The following PLCB1 variants were observed in gnomAD, a reference collection of about 807,000 sequenced individuals.
PLCB1 encodes 1-phosphatidylinositol 4,5-bisphosphate phosphodiesterase beta-1.
PLCB1 carries 46 observed loss-of-function variants against 161.8 expected under a neutral mutation model. The ratio of observed to expected loss-of-function variants is 0.28; its 90% confidence interval spans 0.22 to 0.36. The LOEUF (loss-of-function observed/expected upper bound fraction) is 0.36. Ranked by LOEUF, PLCB1 falls within the 10% of genes least tolerant of loss-of-function variation. The probability of loss-of-function intolerance (pLI) is 1.00; values close to 1 mark genes in which losing one functional copy is unlikely to be tolerated. For synonymous variants in PLCB1, 517 were observed against 503.7 expected, an observed-to-expected ratio of 1.03 and a Z score of -0.35; for missense variants, 1,016 against 1,472.5, an observed-to-expected ratio of 0.69 and a Z score of 5.07.
intron 9 of PLCB1, among the ~76,000 whole-genome samples, chr20:8,672,553 A>T (rs569807034): frequency 6.6e-6 from 1 of 152,106 alleles, no homozygotes; most frequent in Admixed American, 6.5e-5. Flanking sequence ...TGATGCCATG[A>T]TGTGGGCATT....
rs1015183125 is a variant in PLCB1, at chr20:8,405,286, C to T, written c.246+33836C>T. On this transcript the variant is annotated intron_variant, in intron 3 of 31. Coordinates refer to ENST00000338037, the MANE Select transcript of PLCB1 (RefSeq NM_015192.4). Reference sequence around the variant, plus strand: ...GTCTAGAGTTGTCCCTACTCATCTCCGCGTGTTTTGTTCAGCTCTCCCTTA... The same window carrying T: ...GTCTAGAGTTGTCCCTACTCATCTCTGCGTGTTTTGTTCAGCTCTCCCTTA... 3.3e-5 allele frequency among the ~76,000 whole-genome samples: 5 copies of T among 152,070 alleles called. 1 individual carries two copies. The highest frequency in any genetic ancestry group is 4.2e-4 in the South Asian group (2 of 4,810).
chr20:8,315,568 G>T (rs1178365968), intron 2 of PLCB1, among the ~76,000 whole-genome samples: 7 of 152,140 alleles, frequency 4.6e-5, no homozygotes, highest in African/African-American at 1.7e-4. Context: ...TCTCACTTGT[G>T]TTCTTGTGTT....
rs188579296 is a variant in PLCB1, at chr20:8,526,912, A to G, written c.247-101382A>G. 4.3e-3 allele frequency among the ~76,000 whole-genome samples: 652 copies of G among 151,014 alleles called. 2 individuals are homozygous for G. The highest frequency in any genetic ancestry group is 0.019 in the South Asian group (89 of 4,784). On this transcript the variant is annotated intron_variant, in intron 3 of 31. Coordinates refer to ENST00000338037, the MANE Select transcript of PLCB1 (RefSeq NM_015192.4). ...CAGGTTTTCACCCCTCATCTTTAGC[A>G]GCTTGCCTCCAGCTTTTAATAAAGA...
At chr20:8,642,790 AC>A (rs1243246352) in intron 4 of PLCB1, among the ~76,000 whole-genome samples, 1 of 152,196 alleles carries the variant, frequency 6.6e-6, no homozygotes, top group Non-Finnish European at 1.5e-5. Flanking sequence ...CTAATGCTGT[AC>A]CTTTTTCTGG....
chr20:8,676,402 AAAGAAAGAAAGAG>A (rs962908124), intron 9 of PLCB1, among the ~76,000 whole-genome samples: 3 of 151,602 alleles, frequency 2.0e-5, no homozygotes, highest in African/African-American at 4.9e-5. Context: ...ACAAAGAAAG[AAAGAAAGAAAGAG>A]AAGAAAGAAA....
chr20:8,359,062 A>G (rs952112237), intron 2 of PLCB1, among the ~76,000 whole-genome samples: 6 of 152,230 alleles, frequency 3.9e-5, no homozygotes, highest in Admixed American at 2.6e-4. Context: ...CAGCAATAGT[A>G]GTAAACATAA....
intron 2 of PLCB1, among the ~76,000 whole-genome samples, chr20:8,233,241 T>C (rs58538360): frequency 0.75 from 114,295 of 151,580 alleles, 43,973 homozygotes; most frequent in African/African-American, 0.91. Flanking sequence ...TATTCATCAA[T>C]TGCTGGTCAT....
chr20:8,632,060 T>G (rs1336197134), intron 4 of PLCB1, among the ~76,000 whole-genome samples: 10 of 123,530 alleles, frequency 8.1e-5, no homozygotes, highest in Admixed American at 3.4e-4. Context: ...TTTTTTTTTT[T>G]TTTTTTTGCC....
At chr20:8,360,303 CT>C (rs1395927064) in intron 2 of PLCB1, among the ~76,000 whole-genome samples, 1 of 152,162 alleles carries the variant, frequency 6.6e-6, no homozygotes, top group Non-Finnish European at 1.5e-5. Context: ...TGGAATAAAG[CT>C]GATAGACGCT....
intron 24 of PLCB1, among the ~76,000 whole-genome samples, chr20:8,759,271 AT>A (rs2123568722): frequency 6.6e-6 from 1 of 152,228 alleles, no homozygotes; most frequent in Admixed American, 6.5e-5. Context: ...CGGATATATG[AT>A]GTTGCTGGGT....
intron 3 of PLCB1, among the ~76,000 whole-genome samples, chr20:8,430,874 C>T (rs2122577228): frequency 6.6e-6 from 1 of 152,174 alleles, no homozygotes; most frequent in South Asian, 2.1e-4. Context: ...AGGAGGCTCT[C>T]TTGAGCCCAG....
intron 2 of PLCB1, among the ~76,000 whole-genome samples, chr20:8,244,213 G>A (rs1374213094): frequency 6.6e-6 from 1 of 151,872 alleles, no homozygotes; most frequent in East Asian, 1.9e-4. Flanking sequence ...ATGTTTGTCT[G>A]TGCCCTACAT....
intron 3 of PLCB1, among the ~76,000 whole-genome samples, chr20:8,426,811 C>T (rs1003744076): frequency 1.1e-4 from 16 of 152,048 alleles, no homozygotes; most frequent in African/African-American, 3.6e-4. Flanking sequence ...CAAATATATA[C>T]AATAAAATAT....
At chr20:8,739,503 A>C in intron 21 of PLCB1, 143 bp downstream of exon 21, 1 of 621,454 alleles carries the variant, frequency 1.6e-6, no homozygotes, top group South Asian at 2.0e-5. Flanking sequence ...ATTTAGTTAC[A>C]TGTTTTTGTG....
chr20:8,876,308 G>A (rs1007867450), intron 31 of PLCB1, among the ~76,000 whole-genome samples: 4 of 152,128 alleles, frequency 2.6e-5, no homozygotes, highest in Admixed American at 2.0e-4. Context: ...TTTCCAAAAA[G>A]AGGTCTTATG....
chr20:8,841,005 T>A (rs573824011), intron 31 of PLCB1, among the ~76,000 whole-genome samples: 26 of 152,080 alleles, frequency 1.7e-4, no homozygotes, highest in Admixed American at 5.2e-4. Flanking sequence ...ACAAAAAAAA[T>A]TTTTGTATTT....
intron 31 of PLCB1, among the ~76,000 whole-genome samples, chr20:8,798,083 G>A (rs1255431096): frequency 6.6e-6 from 1 of 152,012 alleles, no homozygotes; most frequent in East Asian, 1.9e-4. Context: ...TGTAATCCCA[G>A]CTACCCTGGA....
At chr20:8,551,288 C>A (rs185598085) in intron 3 of PLCB1, among the ~76,000 whole-genome samples, 2 of 152,228 alleles carry the variant, frequency 1.3e-5, no homozygotes, top group East Asian at 3.9e-4. Flanking sequence ...AAGATCAGAG[C>A]AATACAGACT....
chr20:8,687,738 A>G (rs949698955), intron 10 of PLCB1, among the ~76,000 whole-genome samples: 3 of 152,180 alleles, frequency 2.0e-5, no homozygotes, highest in Non-Finnish European at 2.9e-5. Flanking sequence ...TCATTGACTG[A>G]TGGGCATTTC....
Sources: gnomAD v4.1 joint callset for allele counts (sites outside exome capture counted in the v4.1 genomes callset) on GRCh38, gnomAD v4.1.1 for gene constraint, MANE v1.5 for transcripts, NCBI Gene and HGNC (gene_info 2026-07-23, HGNC 2026-07-21) for gene names.